The following DCHS2 variants were observed in gnomAD, a reference collection of about 807,000 sequenced individuals.
DCHS2 encodes protocadherin-23.
A neutral mutation model predicts 182.4 loss-of-function variants in DCHS2; 142 were observed. The ratio of observed to expected loss-of-function variants is 0.78; its 90% CI spans 0.68 to 0.89. The LOEUF is 0.89. Ranked by LOEUF, DCHS2 falls within the 40% of genes least tolerant of loss-of-function variation. The probability of loss-of-function intolerance (pLI) is 0.00; values close to 1 mark genes in which losing one functional copy is unlikely to be tolerated. For synonymous variants in DCHS2, 1,740 were observed against 1,663.3 expected, an observed-to-expected ratio of 1.05 and a Z score of -1.12; for missense variants, 4,319 against 4,198.6, an observed-to-expected ratio of 1.03 and a Z score of -0.79.
At chr4:154,402,798 A>G (rs1732244328) in intron 1 of DCHS2, among the ~76,000 whole-genome samples, 1 of 152,184 alleles carries the variant, frequency 6.6e-6, no homozygotes, top group Non-Finnish European at 1.5e-5. Flanking sequence ...AGCCAAACAT[A>G]TACACTAATG....
At chr4:154,468,238 A>G (rs1010948495) in intron 1 of DCHS2, among the ~76,000 whole-genome samples, 4 of 152,164 alleles carry the variant, frequency 2.6e-5, no homozygotes, top group African/African-American at 9.6e-5. Flanking sequence ...ATGTTTTTTC[A>G]GCTCATCTAG....
chr4:154,397,367 G>A (rs1266700094), intron 1 of DCHS2, among the ~76,000 whole-genome samples: 2 of 152,188 alleles, frequency 1.3e-5, no homozygotes, highest in Non-Finnish European at 2.9e-5. Context: ...TTTGAAGTAA[G>A]TTTAGTCTAG....
Position 154,235,796 on chromosome 4 carries a change from G to A in DCHS2, c.8856C>T (p.Asp2952=). Residue 2952 remains aspartate (D), a synonymous_variant, in exon 20 of 20, where the codon GAC becomes GAT. Transcript: ENST00000357232. ...PLIKSQLNKE[D]TLEMKIIAHS... ...GAGCGATTATTTTCATTTCCAAGGT[G>A]TCTTCTTTGTTGAGTTGACTTTTTA... is the stretch of plus-strand genomic sequence containing the variant. 3 of 1,613,910 alleles carry A rather than the reference G, an allele frequency of 1.9e-6. No homozygotes were observed. Among genetic ancestry groups the A allele is most frequent in the Non-Finnish European group, 2.5e-6 (3 of 1,179,930 alleles).
At chr4:154,357,194 T>TCCA (rs1479894421) in intron 3 of DCHS2, 26 of 1,517,484 alleles carry the variant, frequency 1.7e-5, no homozygotes, top group Non-Finnish European at 2.3e-5. Flanking sequence ...TGACTCTGGC[T>TCCA]TTTTTGGAGA....
At chr4:154,421,781 T>G (rs1733123916) in intron 1 of DCHS2, among the ~76,000 whole-genome samples, 1 of 152,340 alleles carries the variant, frequency 6.6e-6, no homozygotes, top group East Asian at 1.9e-4. Flanking sequence ...CAGCCTTTTC[T>G]CTCTCCATCC....
intron 7 of DCHS2, 33 bp downstream of exon 7, chr4:154,328,060 A>G: frequency 6.8e-7 from 1 of 1,467,646 alleles, no homozygotes; most frequent in Non-Finnish European, 9.2e-7. Context: ...AAATCCTAAA[A>G]GTTCTTAATC....
chr4:154,338,346 A>G (rs975323187), intron 3 of DCHS2, among the ~76,000 whole-genome samples: 2 of 152,248 alleles, frequency 1.3e-5, no homozygotes, highest in Non-Finnish European at 2.9e-5. Context: ...ACTGAAAGTT[A>G]GATTAGCAGT....
intron 16 of DCHS2, among the ~76,000 whole-genome samples, chr4:154,252,496 C>G (rs543284673): frequency 6.6e-6 from 1 of 152,082 alleles, no homozygotes; most frequent in South Asian, 2.1e-4. Context: ...CTGACCCTTC[C>G]CAGCCTCTGG....
At chr4:154,251,375 C>T (rs2111138898) in intron 16 of DCHS2, among the ~76,000 whole-genome samples, 1 of 149,098 alleles carries the variant, frequency 6.7e-6, no homozygotes, top group South Asian at 2.3e-4. Flanking sequence ...CACTTTACCT[C>T]TCTGAGTTCC....
intron 10 of DCHS2, among the ~76,000 whole-genome samples, chr4:154,312,071 T>C (rs1369161007): frequency 2.6e-5 from 4 of 152,158 alleles, no homozygotes; most frequent in Admixed American, 2.6e-4. Context: ...ACTAAGGGAT[T>C]AGCAGAAATA....
At position 154,491,780 on chromosome 4, in the gene DCHS2, G is replaced by A; in HGVS notation, c.-425C>T. 1.0e-6 allele frequency: 1 copy of A among 992,186 alleles called. No homozygotes were observed. Among genetic ancestry groups the A allele is most frequent in the Non-Finnish European group, 1.2e-6 (1 of 834,764 alleles). 61.5% of individuals were successfully genotyped at this position (992,186 alleles called of 1,614,324 possible). On this transcript the variant is annotated 5_prime_UTR_variant, in exon 1 of 20. Coordinates refer to ENST00000357232, the MANE Select transcript of DCHS2 (RefSeq NM_001358235.2). ...CACACAAGGAGAGGATGGGGATCTG[G>A]CCGGAGTAGGGGGTGGAGTAAGGGC...
chr4:154,476,254 C>A (rs1735674332), intron 1 of DCHS2, among the ~76,000 whole-genome samples: 1 of 152,116 alleles, frequency 6.6e-6, no homozygotes, highest in Admixed American at 6.5e-5. Flanking sequence ...GACCAAACAG[C>A]AGATTATTAA....
At chr4:154,339,897 A>G (rs914885246) in intron 3 of DCHS2, among the ~76,000 whole-genome samples, 3 of 152,222 alleles carry the variant, frequency 2.0e-5, no homozygotes, top group African/African-American at 7.2e-5. Context: ...AACTATGCAT[A>G]CTGAAAAATA....
Position 154,429,363 on chromosome 4 carries a change from A to G in DCHS2, c.2053-51919T>C. Among the ~76,000 whole-genome samples, 2 of 152,084 alleles carry G rather than the reference A, an allele frequency of 1.3e-5. 1 individual carries two copies. Among genetic ancestry groups the G allele is most frequent in the Non-Finnish European group, 2.9e-5 (2 of 68,014 alleles). ...GGACATCCTCAGTGCATGTGTTTTG[A>G]TGGGACGCCAAGTCCTACTTCTCAC... On this transcript the variant is annotated intron_variant, in intron 1 of 19. Transcript: ENST00000357232.
chr4:154,490,200 G>A lies in DCHS2; in HGVS notation c.1156C>T (p.Arg386Cys), dbSNP rs1006353354. 5.2e-6 allele frequency: 8 copies of A among 1,549,288 alleles called. No homozygotes were observed. Among genetic ancestry groups the A allele is most frequent in the African/African-American group, 1.4e-5 (1 of 73,050 alleles). ...QAWHQLVVEA[R>C]DGGAEPEVAT... ...ACCTCAGGCTCGGCGCCTCCATCGC[G>A]GGCCTCCACCACCAACTGGTGCCAG... The change falls in exon 1 of 20, where the codon CGC becomes TGC. Residue 386 changes from arginine to cysteine, a missense_variant. By Grantham distance (180) the Arg-to-Cys change is radical. Transcript: ENST00000357232.
rs191430552 is a variant in DCHS2, at chr4:154,451,313, C to T, written c.2052+37991G>A. Reference sequence around the variant, plus strand: ...ACTACTCTCCCTTTTGAGAAATAGCCTTTGGCTTGCTACTGGGCCTTAATA... The same window carrying T: ...ACTACTCTCCCTTTTGAGAAATAGCTTTTGGCTTGCTACTGGGCCTTAATA... On this transcript the variant is annotated intron_variant, in intron 1 of 19. Coordinates refer to ENST00000357232, the MANE Select transcript of DCHS2 (RefSeq NM_001358235.2). Among the ~76,000 whole-genome samples, 6 of 152,308 alleles carry T rather than the reference C, an allele frequency of 3.9e-5. No individual in the cohort carries two copies. The East Asian group carries it at 5.8e-4, about 15-fold the overall frequency.
At chr4:154,401,285 T>C (rs1324827702) in intron 1 of DCHS2, among the ~76,000 whole-genome samples, 1 of 152,236 alleles carries the variant, frequency 6.6e-6, no homozygotes, top group Non-Finnish European at 1.5e-5. Context: ...ACCACGGACA[T>C]CTGTTATTTC....
chr4:154,270,860 G>A (rs921699004), intron 13 of DCHS2, among the ~76,000 whole-genome samples: 5 of 151,956 alleles, frequency 3.3e-5, no homozygotes, highest in Admixed American at 6.6e-5. Flanking sequence ...CCCTCAACCA[G>A]CTTCCGATCT....
At chr4:154,376,813 G>A (rs566995715) in intron 2 of DCHS2, among the ~76,000 whole-genome samples, 16 of 152,206 alleles carry the variant, frequency 1.1e-4, no homozygotes, top group African/African-American at 3.4e-4. Flanking sequence ...AAAATCTACC[G>A]GACAAATGAC....
Sources: gnomAD v4.1 joint callset for allele counts (sites outside exome capture counted in the v4.1 genomes callset) on GRCh38, gnomAD v4.1.1 for gene constraint, MANE v1.5 for transcripts, NCBI Gene and HGNC (gene_info 2026-07-23, HGNC 2026-07-21) for gene names.